SGCD: variants seen among roughly 807,000 people sequenced by gnomAD.
The protein encoded by SGCD is delta-sarcoglycan.
A neutral mutation model predicts 36.6 loss-of-function variants in SGCD; 18 were observed. The observed-to-expected ratio is 0.49, with a 90% confidence interval of 0.34 to 0.73. The LOEUF is 0.73. Ranked by LOEUF, SGCD falls within the 30% of genes least tolerant of loss-of-function variation. SGCD has a pLI of 0.01. For missense variants in SGCD, 387 were observed against 346.7 expected (o/e 1.12, Z -0.92); for synonymous variants, 133 against 130.6 (o/e 1.02, Z -0.12).
At chr5:156,013,233 C>G (rs911085539) in intron 1 of SGCD, among the ~76,000 whole-genome samples, 1 of 151,954 alleles carries the variant, frequency 6.6e-6, no homozygotes, top group Non-Finnish European at 1.5e-5. Flanking sequence ...CCATGTTGGC[C>G]AGGCTGGTCT....
chr5:155,904,922 A>G (rs189530375), intron 1 of SGCD, among the ~76,000 whole-genome samples: 95 of 152,312 alleles, frequency 6.2e-4, no homozygotes, highest in Non-Finnish European at 4.4e-4. Flanking sequence ...AACCTTGAGC[A>G]TGACAATCTC....
intron 3 of SGCD, among the ~76,000 whole-genome samples, chr5:156,188,483 C>T (rs933416139): frequency 6.6e-6 from 1 of 152,092 alleles, no homozygotes; most frequent in Non-Finnish European, 1.5e-5. Context: ...TCAAATATAG[C>T]AGTAGTGGTG....
rs1757586950 is a variant in SGCD, at chr5:156,766,310, T to C, written c.*6920T>C. On this transcript the variant is annotated 3_prime_UTR_variant, in exon 9 of 9. Transcript: ENST00000337851. ...ATTTCTATCATTGTCTCTGTTTCCCTATAAGAAAGAACTACCAGGGACTCA... is the reference window on the plus strand; with the variant it reads ...ATTTCTATCATTGTCTCTGTTTCCCCATAAGAAAGAACTACCAGGGACTCA... The C allele has an allele frequency of 6.6e-6, 1 of 152,018 alleles. No homozygotes were observed. The highest frequency in any genetic ancestry group is 1.5e-5 in the Non-Finnish European group (1 of 68,018). The allele number at this position is 152,018 out of a possible 1,614,324, so 9.4% of individuals were successfully genotyped here.
intron 6 of SGCD, among the ~76,000 whole-genome samples, chr5:156,604,888 G>A (rs145206615): frequency 2.0e-3 from 295 of 149,704 alleles, no homozygotes; most frequent in African/African-American, 6.9e-3. Flanking sequence ...TATATATTAT[G>A]TGTATGTTTC....
the SGCD span, among the ~76,000 whole-genome samples, chr5:155,818,386 T>A: frequency 1.3e-5 from 2 of 151,990 alleles, no homozygotes; most frequent in African/African-American, 4.8e-5. Context: ...ATCGAAGGAA[T>A]GGGCAGAGTT....
chr5:156,273,888 G>A (rs1279743671), intron 3 of SGCD, among the ~76,000 whole-genome samples: 2 of 152,130 alleles, frequency 1.3e-5, no homozygotes, highest in Non-Finnish European at 2.9e-5. Context: ...TTTGTTGGGA[G>A]CGTAGGTAAA....
At chr5:156,209,845 C>A (rs1007531534) in intron 3 of SGCD, among the ~76,000 whole-genome samples, 2 of 152,106 alleles carry the variant, frequency 1.3e-5, no homozygotes, top group Non-Finnish European at 1.5e-5. Flanking sequence ...AAGACCCACA[C>A]TCTACACCAG....
chr5:156,013,402 T>C (rs1024554976), intron 1 of SGCD, among the ~76,000 whole-genome samples: 3 of 152,190 alleles, frequency 2.0e-5, no homozygotes, highest in Non-Finnish European at 4.4e-5. Context: ...GTAGAAAATT[T>C]TGAAGCTCTT....
intron 3 of SGCD, among the ~76,000 whole-genome samples, chr5:156,219,276 G>A (rs1764658160): frequency 1.3e-5 from 2 of 152,118 alleles, no homozygotes; most frequent in African/African-American, 2.4e-5. Flanking sequence ...GGATAGAATT[G>A]GGGAAAAGTG....
chr5:156,272,437 G>A (rs984853070), intron 3 of SGCD, among the ~76,000 whole-genome samples: 8 of 152,288 alleles, frequency 5.3e-5, no homozygotes, highest in African/African-American at 1.2e-4. Context: ...GGGCACTTAC[G>A]TCAGGTCTAT....
the SGCD span, among the ~76,000 whole-genome samples, chr5:155,754,580 C>A: frequency 6.6e-6 from 1 of 152,226 alleles, no homozygotes; most frequent in Non-Finnish European, 1.5e-5. Flanking sequence ...CCCAGATAAT[C>A]ACATTACATT....
At chr5:156,196,800 T>C (rs999033253) in intron 3 of SGCD, among the ~76,000 whole-genome samples, 2 of 152,208 alleles carry the variant, frequency 1.3e-5, no homozygotes, top group African/African-American at 2.4e-5. Context: ...CCAACACATA[T>C]TTTAGTTCTT....
At chr5:156,391,692 G>A (rs10780121) in intron 3 of SGCD, among the ~76,000 whole-genome samples, 57,267 of 152,038 alleles carry the variant, frequency 0.38, 11,630 homozygotes, top group Middle Eastern at 0.54. Context: ...TTGAGCATCT[G>A]TGGATTTTGG....
chr5:156,494,078 A>G (rs1401394016), intron 3 of SGCD, among the ~76,000 whole-genome samples: 1 of 152,136 alleles, frequency 6.6e-6, no homozygotes, highest in Non-Finnish European at 1.5e-5. Context: ...GTTTGAAGAT[A>G]AAGCAAGATG....
At chr5:156,113,266 C>A (rs1418345988) in intron 1 of SGCD, among the ~76,000 whole-genome samples, 1 of 152,156 alleles carries the variant, frequency 6.6e-6, no homozygotes, top group Admixed American at 6.6e-5. Flanking sequence ...GAAAAGTCTT[C>A]ATTTCACTTG....
chr5:156,367,817 T>A (rs1486972948), intron 3 of SGCD, among the ~76,000 whole-genome samples: 1 of 152,164 alleles, frequency 6.6e-6, no homozygotes, highest in Non-Finnish European at 1.5e-5. Flanking sequence ...TAGGTGGTTG[T>A]TGGAGGTGCC....
the SGCD span, among the ~76,000 whole-genome samples, chr5:155,821,462 C>T: frequency 6.6e-6 from 1 of 152,044 alleles, no homozygotes; most frequent in African/African-American, 2.4e-5. Flanking sequence ...TACAGGTGCC[C>T]ACCACCACGC....
At chr5:155,879,093 AT>A (rs1755823085) in intron 1 of SGCD, among the ~76,000 whole-genome samples, 1 of 152,024 alleles carries the variant, frequency 6.6e-6, no homozygotes, top group Admixed American at 6.6e-5. Context: ...AAAAAAAAGT[AT>A]TTGGACTGGA....
At chr5:156,239,799 G>T (rs1243935612) in intron 3 of SGCD, among the ~76,000 whole-genome samples, 2 of 152,144 alleles carry the variant, frequency 1.3e-5, no homozygotes, top group Non-Finnish European at 2.9e-5. Context: ...TCTCTCTTGT[G>T]TGGTTTTATG....
Sources: gnomAD v4.1 joint callset for allele counts (sites outside exome capture counted in the v4.1 genomes callset) on GRCh38, gnomAD v4.1.1 for gene constraint, MANE v1.5 for transcripts, NCBI Gene and HGNC (gene_info 2026-07-23, HGNC 2026-07-21) for gene names.